Variants in BABAM2 observed in about 807,000 individuals in gnomAD.
BABAM2 encodes BRISC and BRCA1 A complex member 2, also known as BRISC and BRCA1-A complex member 2.
Under a neutral mutation model 54.7 loss-of-function variants are expected in BABAM2, and 31 were observed. The observed-to-expected ratio is 0.57, with a 90% CI of 0.43 to 0.77. The LOEUF (loss-of-function observed/expected upper bound fraction) is 0.77. Among genes scored for constraint, BABAM2 ranks in the 30% least tolerant of loss-of-function variants. BABAM2 has a pLI of 0.00. For missense variants in BABAM2, 364 were observed against 455.8 expected (o/e 0.80, Z 1.83); for synonymous variants, 167 against 162.9 (o/e 1.03, Z -0.19).
At chr2:28,073,883 GAC>G (rs1664404507) in intron 6 of BABAM2, among the ~76,000 whole-genome samples, 2 of 152,032 alleles carry the variant, frequency 1.3e-5, no homozygotes, top group African/African-American at 4.8e-5. Context: ...TGAACACACA[GAC>G]ATATATATCT....
At chr2:28,115,348 A>G (rs1479473343) in intron 6 of BABAM2, among the ~76,000 whole-genome samples, 3 of 152,114 alleles carry the variant, frequency 2.0e-5, no homozygotes, top group Admixed American at 6.5e-5. Context: ...TCTAAATTGA[A>G]CTTAAAAGAG....
chr2:28,335,154 C>CTTTTTTTTTTTTTTTTT lies in BABAM2; in HGVS notation c.1089-3285_1089-3269dup, dbSNP rs56135926. Among the ~76,000 whole-genome samples the CTTTTTTTTTTTTTTTTT allele has an allele frequency of 1.8e-4, 13 of 71,520 alleles. 2 individuals are homozygous for CTTTTTTTTTTTTTTTTT. Among genetic ancestry groups the CTTTTTTTTTTTTTTTTT allele is most frequent in the African/African-American group, 2.4e-4 (4 of 16,464 alleles). The allele number at this position is 71,520 out of a possible 152,430, so 46.9% of individuals were successfully genotyped here. A position where few individuals can be genotyped will look rare whatever the true frequency, so the allele number is the denominator to read the frequency against. ...CTGGAGCTGCTGTCTCTCCCACCTT[C>CTTTTTTTTTTTTTTTTT]TTTTTTTTTTTTTTTTTTTTTTTTT... On this transcript the variant is annotated intron_variant, in intron 11 of 11. Transcript: ENST00000379624.
intron 3 of BABAM2, among the ~76,000 whole-genome samples, chr2:27,941,774 T>C (rs1668907941): frequency 6.6e-6 from 1 of 152,206 alleles, no homozygotes; most frequent in Non-Finnish European, 1.5e-5. Context: ...GTAAAATTAC[T>C]GTTCATTTTT....
intron 5 of BABAM2, among the ~76,000 whole-genome samples, chr2:28,026,843 A>AATATATATTTATATATAG (rs1675762523): frequency 4.9e-5 from 2 of 40,650 alleles, no homozygotes; most frequent in Non-Finnish European, 9.3e-5. Flanking sequence ...AATATATATA[A>AATATATATTTATATATAG]ATATATATTT....
At chr2:27,895,792 C>T (rs1178687591) in intron 2 of BABAM2, among the ~76,000 whole-genome samples, 2 of 152,090 alleles carry the variant, frequency 1.3e-5, no homozygotes, top group Non-Finnish European at 2.9e-5. Context: ...CTCATTCCTC[C>T]CCGTTTATTA....
chr2:28,132,819 T>A (rs912309059), intron 7 of BABAM2, among the ~76,000 whole-genome samples: 23 of 152,218 alleles, frequency 1.5e-4, no homozygotes, highest in Admixed American at 1.0e-3. Context: ...TAAGGATTTT[T>A]AAAAATCTTT....
chr2:28,078,185 T>C (rs1360190619), intron 6 of BABAM2, among the ~76,000 whole-genome samples: 2 of 152,122 alleles, frequency 1.3e-5, no homozygotes, highest in African/African-American at 2.4e-5. Flanking sequence ...TCTAGCTGTG[T>C]ACACTGCGTG....
At chr2:28,165,245 C>T (rs1435844337) in intron 7 of BABAM2, among the ~76,000 whole-genome samples, 1 of 152,188 alleles carries the variant, frequency 6.6e-6, no homozygotes, top group Non-Finnish European at 1.5e-5. Flanking sequence ...GTGTAATTGG[C>T]TCTGCCTCAG....
chr2:27,994,329 C>T (rs1672983863), intron 4 of BABAM2, among the ~76,000 whole-genome samples: 1 of 152,156 alleles, frequency 6.6e-6, no homozygotes, highest in Admixed American at 6.5e-5. Flanking sequence ...CTATTATTAA[C>T]AAATAACATT....
At chr2:27,977,282 G>A (rs887149693) in intron 3 of BABAM2, among the ~76,000 whole-genome samples, 1 of 152,116 alleles carries the variant, frequency 6.6e-6, no homozygotes, top group Non-Finnish European at 1.5e-5. Flanking sequence ...TGTCATAAAG[G>A]GAGGTTTCCA....
chr2:27,897,964 T>G (rs1342262195), intron 2 of BABAM2, among the ~76,000 whole-genome samples: 1 of 152,220 alleles, frequency 6.6e-6, no homozygotes, highest in Non-Finnish European at 1.5e-5. Flanking sequence ...GTGATGTACT[T>G]CCTTTACTGT....
intron 6 of BABAM2, among the ~76,000 whole-genome samples, chr2:28,074,929 GT>G (rs1211898074): frequency 6.6e-6 from 1 of 152,196 alleles, no homozygotes; most frequent in Non-Finnish European, 1.5e-5. Flanking sequence ...TATTAAAGAA[GT>G]TCATTCTTCT....
At chr2:28,191,584 G>A (rs1044105239) in intron 7 of BABAM2, among the ~76,000 whole-genome samples, 31 of 152,158 alleles carry the variant, frequency 2.0e-4, no homozygotes, top group African/African-American at 7.2e-4. Context: ...CTATTGGTAC[G>A]CACAACAAAA....
chr2:28,191,123 A>G (rs183717129), intron 7 of BABAM2, among the ~76,000 whole-genome samples: 144 of 152,342 alleles, frequency 9.5e-4, no homozygotes, highest in Non-Finnish European at 1.7e-3. Flanking sequence ...ATAAGAAGAC[A>G]AACAGCTTAA....
intron 10 of BABAM2, among the ~76,000 whole-genome samples, chr2:28,277,791 A>G (rs1298964892): frequency 1.3e-5 from 2 of 152,258 alleles, no homozygotes; most frequent in African/African-American, 4.8e-5. Flanking sequence ...TTGAGTATCT[A>G]CTATGGACCA....
intron 7 of BABAM2, among the ~76,000 whole-genome samples, chr2:28,191,202 G>C (rs1315833601): frequency 6.6e-6 from 1 of 152,160 alleles, no homozygotes; most frequent in Non-Finnish European, 1.5e-5. Context: ...GCCACAATGA[G>C]ATTAATACTA....
At chr2:28,307,082 C>T (rs1365812829) in intron 11 of BABAM2, among the ~76,000 whole-genome samples, 9 of 130,850 alleles carry the variant, frequency 6.9e-5, no homozygotes, top group African/African-American at 2.6e-4. Flanking sequence ...TCTCGGCTCA[C>T]TGCAACCTCT....
At chr2:27,890,184 C>T (rs992413569), upstream of BABAM2, 29 of 1,445,090 alleles carry the variant, frequency 2.0e-5, no homozygotes, top group Admixed American at 4.2e-4. This position sits in a 1 kb window ranked among gnomAD's most constrained non-coding sequence, Gnocchi z 4.8. Context: ...CGCCCAAAAG[C>T]TCCACTGGGC....
intron 2 of BABAM2, among the ~76,000 whole-genome samples, chr2:27,915,526 C>G (rs1435546524): frequency 2.6e-5 from 4 of 151,956 alleles, no homozygotes; most frequent in Non-Finnish European, 5.9e-5. Context: ...CAAGCGCAAT[C>G]TAAGAACGAA....
Sources: allele counts gnomAD v4.1 joint callset (sites outside exome capture counted in the v4.1 genomes callset), GRCh38; gene constraint gnomAD v4.1.1; non-coding constraint Gnocchi (gnomAD v3.1); transcripts MANE v1.5; gene names NCBI Gene and HGNC (gene_info 2026-07-23, HGNC 2026-07-21).